Variants in BRWD3 observed in about 807,000 individuals in gnomAD.
The protein encoded by BRWD3 is bromodomain and WD repeat domain containing 3.
BRWD3 carries 10 observed loss-of-function variants against 149.7 expected under a neutral mutation model. The observed-to-expected ratio is 0.07, with a 90% CI of 0.04 to 0.11. The LOEUF is 0.11. Among genes scored for constraint, BRWD3 ranks in the 10% least tolerant of loss-of-function variants. The pLI is 1.00. For missense variants in BRWD3, 940 were observed against 1,373.2 expected (o/e 0.68, Z 4.99); for synonymous variants, 504 against 456.7 (o/e 1.10, Z -1.32).
intron 31 of BRWD3, among the ~76,000 whole-genome samples, 160 bp from the exon 32 acceptor site, chrX:80,690,252 A>G (rs1470202550): frequency 9.0e-6 from 1 of 111,454 alleles, no homozygotes; most frequent in Non-Finnish European, 1.9e-5. Flanking sequence ...CTAAAAAGAG[A>G]TGATATAGTT....
At chrX:80,808,632 A>C (rs768544775) in intron 3 of BRWD3, 34 bp from the exon 4 acceptor site, 49 of 1,174,917 alleles carry the variant, frequency 4.2e-5, no homozygotes, top group Middle Eastern at 2.4e-4. Context: ...GGGGAAGCGG[A>C]GGCAAATGAT....
intron 6 of BRWD3, among the ~76,000 whole-genome samples, chrX:80,770,222 A>G (rs1408331486): frequency 8.9e-6 from 1 of 111,884 alleles, no homozygotes; most frequent in Non-Finnish European, 1.9e-5. Flanking sequence ...ATCAATAGAA[A>G]AAGAGGGAAA....
At position 80,758,821 on chromosome X, in the gene BRWD3, T is replaced by C. The variant is rs1194554817; in HGVS notation, c.431-13092A>G. Among the ~76,000 whole-genome samples, 10 of 111,864 alleles carry C rather than the reference T, an allele frequency of 8.9e-5. No homozygotes were observed. In the East Asian group the frequency reaches 2.0e-3, roughly 22 times the overall value. On this transcript the variant is annotated intron_variant, in intron 6 of 40. Coordinates refer to ENST00000373275, the MANE Select transcript of BRWD3 (RefSeq NM_153252.5). ...CTAAAAAGAAAAAAGTCAATTCCCT[T>C]TATTACATGGTAATCCATGAAATAA...
chrX:80,750,857 TACACACACACACACACAC>T (rs59394410), intron 6 of BRWD3, among the ~76,000 whole-genome samples: 1 of 93,932 alleles, frequency 1.1e-5, no homozygotes, highest in Non-Finnish European at 2.1e-5. Flanking sequence ...ATGTGTTTTA[TACACACACACACACACAC>T]ACACACACAC....
chrX:80,770,808 A>T (rs2073935348), intron 6 of BRWD3, among the ~76,000 whole-genome samples: 1 of 111,717 alleles, frequency 9.0e-6, no homozygotes, highest in African/African-American at 3.3e-5. Flanking sequence ...GAGGAAGTCA[A>T]ATTGTCCCTG....
rs2072606344 is a variant in BRWD3, at chrX:80,691,172, A to T, written c.3483T>A (p.Asp1161Glu). Residue 1161 changes from aspartate (D) to glutamate (E), a missense_variant and splice_region_variant, in exon 31 of 41, where the codon GAT (aspartate) becomes GAA (glutamate). Physicochemically the swap from Asp to Glu is conservative, Grantham distance 45. Transcript: ENST00000373275. Reference protein sequence around the residue: ...IQGINHLLSLDFASPFAVPVD... With the variant: ...IQGINHLLSLEFASPFAVPVD... ...CTGGAACAGCAAAAGGGCTGGCAAA[A>T]TCTACAAAATTATGAAAATCAAATA... 8.3e-7 allele frequency: 1 copy of T among 1,206,462 alleles called. No homozygotes were observed. Among genetic ancestry groups the T allele is most frequent in the East Asian group, 3.0e-5 (1 of 33,762 alleles).
chrX:80,716,451 T>C (rs1348288240), intron 19 of BRWD3, among the ~76,000 whole-genome samples: 1 of 112,432 alleles, frequency 8.9e-6, no homozygotes, highest in Admixed American at 9.4e-5. Context: ...ACTTCAAAGA[T>C]AAACTCTGTG....
intron 27 of BRWD3, 61 bp downstream of exon 27, chrX:80,695,847 G>A: frequency 1.0e-6 from 1 of 958,610 alleles, no homozygotes. Flanking sequence ...TTAAATCACA[G>A]TTAAAAAGTT....
At chrX:80,796,901 C>T (rs1192739011) in intron 4 of BRWD3, among the ~76,000 whole-genome samples, 2 of 111,323 alleles carry the variant, frequency 1.8e-5, no homozygotes, top group African/African-American at 3.3e-5. Context: ...TGGCTGGGAA[C>T]GGTGGCTCAT....
In BRWD3 at chrX:80,717,688, C is replaced by G; in HGVS notation, c.2116G>C (p.Glu706Gln). 8.3e-7 allele frequency: 1 copy of G among 1,211,147 alleles called. No individual in the cohort carries two copies. The highest frequency in any genetic ancestry group is 1.1e-6 in the Non-Finnish European group (1 of 894,913). Reference protein sequence around the residue: ...IRLRRHSSQIEGVRQMHNNAP... With the variant: ...IRLRRHSSQIQGVRQMHNNAP... ...TTGTTATGCATTTGTCTAACACCTT[C>G]AATTTGACTACTATGTCTTCGAAGC... The change falls in exon 19 of 41, where the codon GAA (glutamate) becomes CAA (glutamine). Residue 706 changes from glutamate (E) to glutamine (Q), a missense_variant. Transcript: ENST00000373275.
chrX:80,782,604 T>C (rs1195831983), intron 6 of BRWD3, among the ~76,000 whole-genome samples: 1 of 111,814 alleles, frequency 8.9e-6, no homozygotes, highest in East Asian at 2.8e-4. Flanking sequence ...AAAGGATCAA[T>C]AACCAGAATA....
chrX:80,764,264 A>G (rs2073833262), intron 6 of BRWD3, among the ~76,000 whole-genome samples: 2 of 111,944 alleles, frequency 1.8e-5, no homozygotes, highest in Admixed American at 1.9e-4. Context: ...AAACGTTTAG[A>G]AAAAAAGACA....
chrX:80,685,853 C>T (rs756682365), intron 35 of BRWD3, among the ~76,000 whole-genome samples: 5 of 111,098 alleles, frequency 4.5e-5, no homozygotes, highest in South Asian at 3.8e-4. Flanking sequence ...GCTCATAGGA[C>T]GGTCTGATGT....
intron 6 of BRWD3, among the ~76,000 whole-genome samples, chrX:80,751,966 A>G (rs2073673371): frequency 1.0e-5 from 1 of 97,831 alleles, no homozygotes. Flanking sequence ...TTATTTTTTC[A>G]ATTTATTCAT....
rs1272948802 is a variant in BRWD3, at chrX:80,675,334, T to C, written c.*1275A>G. The C allele has an allele frequency of 8.9e-6, 1 of 111,897 alleles. No homozygotes were observed. The highest frequency in any genetic ancestry group is 2.8e-4 in the East Asian group (1 of 3,579). 9.2% of individuals were successfully genotyped at this position (111,897 alleles called of 1,213,427 possible). The stretch of plus-strand genomic sequence containing the variant: ...GAATCTATAAGTTGATTCATAATAC[T>C]AGCTAGCCAAAACATTCCAAATCAA... On this transcript the variant is annotated 3_prime_UTR_variant, in exon 41 of 41. Transcript: ENST00000373275.
chrX:80,807,810 A>G (rs775792627), intron 4 of BRWD3, among the ~76,000 whole-genome samples: 2 of 111,479 alleles, frequency 1.8e-5, no homozygotes, highest in African/African-American at 3.3e-5. Context: ...TGTTTCACCA[A>G]TTCTCAAAAA....
In BRWD3 at chrX:80,719,665, G is replaced by C; in HGVS notation, c.1877-9C>G. The stretch of plus-strand genomic sequence containing the variant: ...TACTACCTCACCATCACCTTAATAA[G>C]ACCAGATACAAAGCCACAAAATTAC... On this transcript the variant is annotated splice_polypyrimidine_tract_variant and intron_variant, in intron 17 of 40. Transcript: ENST00000373275. The C allele has an allele frequency of 1.7e-6, 2 of 1,208,133 alleles. No homozygotes were observed. Among genetic ancestry groups the C allele is most frequent in the Non-Finnish European group, 2.2e-6 (2 of 893,431 alleles).
chrX:80,762,556 G>A (rs2073814351), intron 6 of BRWD3, among the ~76,000 whole-genome samples: 1 of 109,632 alleles, frequency 9.1e-6, no homozygotes, highest in Non-Finnish European at 1.9e-5. Flanking sequence ...AAACCAAAAG[G>A]GTATGTGTTG....
rs2072329414 is a variant in BRWD3, at chrX:80,672,297, AAAAG to A, written c.*4308_*4311del. 1 of 107,295 alleles carries A rather than the reference AAAAG, an allele frequency of 9.3e-6. No homozygotes were observed. The highest frequency in any genetic ancestry group is 1.0e-4 in the Admixed American group (1 of 9,863). 8.8% of individuals were successfully genotyped at this position (107,295 alleles called of 1,213,427 possible). A position where few individuals can be genotyped will look rare whatever the true frequency, so the allele number is the denominator to read the frequency against. On this transcript the variant is annotated 3_prime_UTR_variant, in exon 41 of 41. Coordinates refer to ENST00000373275, the MANE Select transcript of BRWD3 (RefSeq NM_153252.5). ...AAGTAAGCAGGATTGAAAAGATGAAAAAAGAAATAATCAAGAATAAGGGTATATA... is the reference window on the plus strand; with the variant it reads ...AAGTAAGCAGGATTGAAAAGATGAAAAAATAATCAAGAATAAGGGTATATA...
Sources: allele counts gnomAD v4.1 joint callset (sites outside exome capture counted in the v4.1 genomes callset), GRCh38; gene constraint gnomAD v4.1.1; transcripts MANE v1.5; gene names NCBI Gene and HGNC (gene_info 2026-07-23, HGNC 2026-07-21).